SV2B: variants seen among roughly 807,000 people sequenced by gnomAD.
The protein encoded by SV2B is synaptic vesicle glycoprotein 2B, also known as solute carrier family 22 member B2.
A neutral mutation model predicts 73.9 loss-of-function variants in SV2B; 41 were observed. The observed-to-expected ratio is 0.56, with a 90% CI of 0.43 to 0.72. The LOEUF is 0.72. Among genes scored for constraint, SV2B ranks in the 30% least tolerant of loss-of-function variants. The pLI is 0.00. For synonymous variants in SV2B, 314 were observed against 314.2 expected, an observed-to-expected ratio of 1.00 and a Z score of 0.01; for missense variants, 764 against 857.8, an observed-to-expected ratio of 0.89 and a Z score of 1.37.
intron 9 of SV2B, among the ~76,000 whole-genome samples, chr15:91,276,142 T>A (rs1468047563): frequency 6.6e-6 from 1 of 151,826 alleles, no homozygotes; most frequent in Non-Finnish European, 1.5e-5. Context: ...TGATGAGAAG[T>A]CTGCTGTATT....
chr15:91,162,730 G>A (rs904343514), intron 1 of SV2B, among the ~76,000 whole-genome samples: 4 of 152,106 alleles, frequency 2.6e-5, no homozygotes, highest in South Asian at 2.1e-4. Context: ...CGAAGTTCCT[G>A]TTTCATTGCT....
At chr15:91,251,004 G>A (rs181461881) in intron 2 of SV2B, among the ~76,000 whole-genome samples, 6 of 152,064 alleles carry the variant, frequency 3.9e-5, no homozygotes, top group Non-Finnish European at 8.8e-5. Flanking sequence ...CAAAGCAGTC[G>A]AGCCAAAAGA....
At chr15:91,166,443 A>AT (rs1250180307) in intron 1 of SV2B, among the ~76,000 whole-genome samples, 1 of 152,058 alleles carries the variant, frequency 6.6e-6, no homozygotes, top group Non-Finnish European at 1.5e-5. Context: ...AGTTTATCCT[A>AT]TTTGAGTTTC....
intron 1 of SV2B, among the ~76,000 whole-genome samples, chr15:91,120,126 T>C (rs8035623): frequency 0.47 from 71,469 of 152,076 alleles, 17,956 homozygotes; most frequent in Middle Eastern, 0.58. Context: ...GTTTTCACAC[T>C]GCTGTAAAAG....
intron 2 of SV2B, among the ~76,000 whole-genome samples, chr15:91,228,381 C>T (rs1300004312): frequency 6.6e-6 from 1 of 151,306 alleles, no homozygotes; most frequent in Admixed American, 6.6e-5. Context: ...ATTTTTTTTT[C>T]AAAGGACAAA....
chr15:91,133,880 T>C (rs1183301045), intron 1 of SV2B, among the ~76,000 whole-genome samples: 1 of 152,138 alleles, frequency 6.6e-6, no homozygotes, highest in African/African-American at 2.4e-5. Flanking sequence ...GGGTTTTGCA[T>C]ACTTGGAGCT....
Position 91,134,332 on chromosome 15 carries a change from C to A in SV2B, c.-392+33969C>A, listed in dbSNP as rs946667528. On this transcript the variant is annotated intron_variant, in intron 1 of 12. Coordinates refer to ENST00000394232, the MANE Select transcript of SV2B (RefSeq NM_001323032.3). ...CTTCCTTGTCATCACTCAACTTCTT[C>A]TTTCCCAGGGACCTCTTTGCATTTT... Among the ~76,000 whole-genome samples the A allele has an allele frequency of 2.0e-5, 3 of 152,236 alleles. No individual in the cohort carries two copies. In the East Asian group the frequency reaches 5.8e-4, roughly 29 times the overall value.
Position 91,278,008 on chromosome 15 carries a change from C to A in SV2B, c.1374-3720C>A, listed in dbSNP as rs1469828212. Among the ~76,000 whole-genome samples the A allele has an allele frequency of 2.0e-5, 3 of 152,186 alleles. No individual in the cohort carries two copies. In the South Asian group the frequency reaches 6.2e-4, roughly 32 times the overall value. ...GGGGAAGTTGGATTTTATTGCCAGA[C>A]TCACTGAGGCACAAGAATGTATGTC... On this transcript the variant is annotated intron_variant, in intron 9 of 12. Coordinates refer to ENST00000394232, the MANE Select transcript of SV2B (RefSeq NM_001323032.3).
intron 1 of SV2B, among the ~76,000 whole-genome samples, chr15:91,168,844 A>G (rs11638187): frequency 0.065 from 9,966 of 152,276 alleles, 427 homozygotes; most frequent in Non-Finnish European, 0.09. Context: ...TACTCATTCT[A>G]TCTTTTCCAG....
At chr15:91,164,923 T>A (rs115751304) in intron 1 of SV2B, among the ~76,000 whole-genome samples, 1,839 of 152,330 alleles carry the variant, frequency 0.012, 36 homozygotes, top group African/African-American at 0.042. Context: ...CTTTTCCTTA[T>A]GTTTTCACTT....
At chr15:91,247,277 C>G (rs1340563868) in intron 2 of SV2B, among the ~76,000 whole-genome samples, 3 of 152,178 alleles carry the variant, frequency 2.0e-5, no homozygotes, top group African/African-American at 7.2e-5. Flanking sequence ...CTTTCTGGGG[C>G]TCAGCCTCCT....
intron 1 of SV2B, among the ~76,000 whole-genome samples, chr15:91,149,247 G>T (rs1355573105): frequency 6.6e-6 from 1 of 152,226 alleles, no homozygotes; most frequent in Non-Finnish European, 1.5e-5. Flanking sequence ...AGCAATGCAG[G>T]TGCTGGCCAT....
intron 1 of SV2B, among the ~76,000 whole-genome samples, chr15:91,146,700 A>C (rs941121534): frequency 6.6e-6 from 1 of 152,138 alleles, no homozygotes; most frequent in Non-Finnish European, 1.5e-5. Flanking sequence ...GACACCACTA[A>C]TTCTACTGGG....
At chr15:91,193,724 C>G (rs2045134902) in intron 1 of SV2B, among the ~76,000 whole-genome samples, 1 of 152,170 alleles carries the variant, frequency 6.6e-6, no homozygotes, top group Admixed American at 6.5e-5. Context: ...TTTATATTAA[C>G]ATGAGGACTA....
At chr15:91,146,645 T>G (rs527306418) in intron 1 of SV2B, among the ~76,000 whole-genome samples, 1 of 152,342 alleles carries the variant, frequency 6.6e-6, no homozygotes, top group Non-Finnish European at 1.5e-5. Context: ...TAGTTTTCCT[T>G]GTAGAGATCT....
At chr15:91,172,947 G>GA (rs141566038) in intron 1 of SV2B, among the ~76,000 whole-genome samples, 29,015 of 151,614 alleles carry the variant, frequency 0.19, 3,106 homozygotes, top group Non-Finnish European at 0.24. Context: ...TTTTCTGGTG[G>GA]AAAAGTCCAG....
At chr15:91,160,958 A>G (rs1348862133) in intron 1 of SV2B, among the ~76,000 whole-genome samples, 1 of 152,222 alleles carries the variant, frequency 6.6e-6, no homozygotes, top group Non-Finnish European at 1.5e-5. Flanking sequence ...TTATCCATAC[A>G]GTGAAACACT....
chr15:91,247,103 T>G (rs1237122961), intron 2 of SV2B, among the ~76,000 whole-genome samples: 1 of 152,220 alleles, frequency 6.6e-6, no homozygotes, highest in African/African-American at 2.4e-5. Context: ...TTTCCTAGAC[T>G]TCAAAGACAG....
In SV2B at chr15:91,220,144, G is replaced by T. The variant is rs1403444634; in HGVS notation, c.-391-5729G>T. On this transcript the variant is annotated intron_variant, in intron 1 of 12. Transcript: ENST00000394232. The surrounding 1 kb of genome is among the most constrained non-coding windows in gnomAD (Gnocchi z 4.1). ...GTAGATTCTCAGAATGGAACTGCTG[G>T]GTTATTTGGTAAGTGTATGTTTGAC... is the stretch of plus-strand genomic sequence containing the variant. 1.3e-5 allele frequency among the ~76,000 whole-genome samples: 2 copies of T among 152,134 alleles called. No homozygotes were observed. Among genetic ancestry groups the T allele is most frequent in the Non-Finnish European group, 2.9e-5 (2 of 68,012 alleles).
Sources: allele counts gnomAD v4.1 joint callset (sites outside exome capture counted in the v4.1 genomes callset), GRCh38; gene constraint gnomAD v4.1.1; non-coding constraint Gnocchi (gnomAD v3.1); transcripts MANE v1.5; gene names NCBI Gene and HGNC (gene_info 2026-07-23, HGNC 2026-07-21).